The following SORD variants were observed in gnomAD, a reference collection of about 807,000 sequenced individuals.
SORD encodes the protein (R,R)-butanediol dehydrogenase.
Under a neutral mutation model 35.6 loss-of-function variants are expected in SORD, and 18 were observed. The ratio of observed to expected loss-of-function variants is 0.51; its 90% confidence interval spans 0.35 to 0.75. The LOEUF is 0.75. Among genes scored for constraint, SORD ranks in the 30% least tolerant of loss-of-function variants. The pLI, the probability that SORD is intolerant of heterozygous loss-of-function variation, is 0.01. For missense variants in SORD, 250 were observed against 390.2 expected (o/e 0.64, Z 3.03); for synonymous variants, 106 against 152.9 (o/e 0.69, Z 2.26).
At chr15:45,060,832 C>A in intron 3 of SORD, 1 of 746,722 alleles carries the variant, frequency 1.3e-6, no homozygotes. Context: ...CCCAGAGTGA[C>A]TCTGTGCTTC....
intron 3 of SORD, among the ~76,000 whole-genome samples, chr15:45,060,332 T>G (rs1893281658): frequency 1.3e-5 from 2 of 152,216 alleles, no homozygotes; most frequent in South Asian, 4.1e-4. Flanking sequence ...TTGCTGTATG[T>G]TTGAAATTCT....
chr15:45,032,963 T>C (rs1263462075), intron 1 of SORD, among the ~76,000 whole-genome samples: 5 of 152,040 alleles, frequency 3.3e-5, no homozygotes, highest in African/African-American at 1.2e-4. Flanking sequence ...ACAGGAGGCT[T>C]GGCAGCAGGG....
intron 1 of SORD, chr15:45,036,443 G>A (rs1892867800): frequency 7.0e-6 from 3 of 431,194 alleles, no homozygotes; most frequent in Admixed American, 5.2e-5. Context: ...TGTAATCCCA[G>A]CACTTTGGGA....
chr15:45,074,178 T>G lies in SORD; in HGVS notation c.*648T>G, dbSNP rs1478211516. The G allele has an allele frequency of 1.6e-4, 23 of 142,996 alleles. No homozygotes were observed. The highest frequency in any genetic ancestry group is 6.4e-4 in the African/African-American group (23 of 36,000). The allele number at this position is 142,996 out of a possible 1,614,324, so 8.9% of individuals were successfully genotyped here. A position where few individuals can be genotyped will look rare whatever the true frequency, so the allele number is the denominator to read the frequency against. On this transcript the variant is annotated 3_prime_UTR_variant, in exon 9 of 9. Coordinates refer to ENST00000267814, the MANE Select transcript of SORD (RefSeq NM_003104.6). The stretch of plus-strand genomic sequence containing the variant: ...TAAACCAGTTTGCATTCCCCTAATG[T>G]GGAAAAAGTAAGAGGACTACTCAGC...
At chr15:45,058,568 C>T (rs1434469914) in intron 3 of SORD, 1 of 152,004 alleles carries the variant, frequency 6.6e-6, no homozygotes, top group Non-Finnish European at 1.5e-5. Context: ...TCCCAGATGA[C>T]CCCCTACAGG....
At chr15:45,040,466 A>G (rs1212847231) in intron 2 of SORD, 25 bp downstream of exon 2, 4 of 1,542,754 alleles carry the variant, frequency 2.6e-6, no homozygotes, top group Non-Finnish European at 3.6e-6. Context: ...AACATGACTT[A>G]TATTTTATTA....
intron 3 of SORD, among the ~76,000 whole-genome samples, chr15:45,045,515 T>G (rs924951788): frequency 8.1e-6 from 1 of 123,258 alleles, no homozygotes; most frequent in Non-Finnish European, 1.6e-5. Context: ...CTTTCCAGCC[T>G]TGGTGAGAGA....
chr15:45,050,293 G>C (rs1442213499), intron 3 of SORD, among the ~76,000 whole-genome samples: 1 of 152,200 alleles, frequency 6.6e-6, no homozygotes, highest in Non-Finnish European at 1.5e-5. Context: ...GTGTTAGCCA[G>C]GATGGTCTCG....
chr15:45,037,833 G>T (rs562640996), intron 1 of SORD, among the ~76,000 whole-genome samples: 1 of 151,996 alleles, frequency 6.6e-6, no homozygotes, highest in Non-Finnish European at 1.5e-5. Flanking sequence ...GAGGGCATTA[G>T]GACAAATACC....
chr15:45,055,530 G>A (rs1370422266), intron 3 of SORD, among the ~76,000 whole-genome samples: 2 of 152,192 alleles, frequency 1.3e-5, no homozygotes, highest in Admixed American at 6.5e-5. Flanking sequence ...TCCAGGACCA[G>A]ATGGATTCAG....
chr15:45,036,029 A>G (rs1892860353), intron 1 of SORD, among the ~76,000 whole-genome samples: 2 of 150,722 alleles, frequency 1.3e-5, no homozygotes, highest in Admixed American at 1.3e-4. Flanking sequence ...CGGGAGGAAC[A>G]AACAACTGCA....
chr15:45,053,651 A>T (rs1893165159), intron 3 of SORD, among the ~76,000 whole-genome samples: 1 of 151,672 alleles, frequency 6.6e-6, no homozygotes, highest in Non-Finnish European at 1.5e-5. Context: ...ATTTTATTTT[A>T]TTATTATTAT....
chr15:45,047,274 G>A (rs1305213321), intron 3 of SORD: 2 of 151,802 alleles, frequency 1.3e-5, no homozygotes, highest in African/African-American at 4.9e-5. Flanking sequence ...TATTCTGTGA[G>A]TACTTTCAAC....
intron 4 of SORD, among the ~76,000 whole-genome samples, chr15:45,064,550 A>G (rs943648452): frequency 1.3e-5 from 2 of 152,228 alleles, no homozygotes; most frequent in Non-Finnish European, 1.5e-5. Flanking sequence ...GTGACACTGC[A>G]TTTAATCAGC....
intron 3 of SORD, among the ~76,000 whole-genome samples, chr15:45,052,944 T>TG (rs1286671624): frequency 3.9e-5 from 6 of 152,172 alleles, no homozygotes; most frequent in Admixed American, 6.5e-5. Context: ...TAGGTCATCT[T>TG]GGGGGGTCAT....
At chr15:45,055,741 A>G (rs1423075246) in intron 3 of SORD, among the ~76,000 whole-genome samples, 2 of 152,266 alleles carry the variant, frequency 1.3e-5, no homozygotes, top group Non-Finnish European at 2.9e-5. Flanking sequence ...AAAATCCTCA[A>G]TAAAATACTG....
At chr15:45,057,569 G>A (rs1454970498) in intron 3 of SORD, among the ~76,000 whole-genome samples, 1 of 152,206 alleles carries the variant, frequency 6.6e-6, no homozygotes. Flanking sequence ...CAGATCATGA[G>A]GTCAGGAAGT....
At chr15:45,045,982 C>A (rs1249853241) in intron 3 of SORD, among the ~76,000 whole-genome samples, 2 of 151,646 alleles carry the variant, frequency 1.3e-5, no homozygotes, top group Non-Finnish European at 2.9e-5. Flanking sequence ...GCTTGGGTGA[C>A]AAAGCAAGAC....
chr15:45,061,199 A>C lies in SORD; in HGVS notation c.398A>C (p.Tyr133Ser). The change falls in exon 4 of 9, where the codon TAT (tyrosine) becomes TCT (serine). Residue 133 changes from tyrosine (Y) to serine (S), a missense_variant. This residue lies in a region of SORD where 126 missense variants were observed against 148.7 expected (regional missense o/e 0.85). Transcript: ENST00000267814. The part of the protein sequence containing the change: ...PPDDGNLCRF[Y>S]KHNAAFCYKL... ...GATGACGGGAACCTCTGCCGGTTCTATAAGCACAATGCAGCCTTTTGTTAC... is the reference window on the plus strand; with the variant it reads ...GATGACGGGAACCTCTGCCGGTTCTCTAAGCACAATGCAGCCTTTTGTTAC... 1.2e-6 allele frequency: 2 copies of C among 1,614,212 alleles called. No homozygotes were observed. Among genetic ancestry groups the C allele is most frequent in the Non-Finnish European group, 1.7e-6 (2 of 1,180,034 alleles).
Sources: allele counts gnomAD v4.1 joint callset (sites outside exome capture counted in the v4.1 genomes callset), GRCh38; gene constraint gnomAD v4.1.1; regional missense constraint gnomAD v4.1.1; transcripts MANE v1.5; gene names NCBI Gene and HGNC (gene_info 2026-07-23, HGNC 2026-07-21).